The following KLF7 variants were observed in gnomAD, a reference collection of about 807,000 sequenced individuals.
KLF7 encodes KLF transcription factor 7, also known as Krueppel-like factor 7.
In KLF7, 2 loss-of-function variants were observed where a neutral mutation model predicts 27.3. That is an observed-to-expected ratio of 0.07 (90% CI 0.03 to 0.23). The LOEUF is 0.23. Ranked by LOEUF, KLF7 falls within the 10% of genes least tolerant of loss-of-function variation. KLF7 has a pLI of 1.00. For synonymous variants in KLF7, 165 were observed against 162.4 expected (o/e 1.02, Z -0.12); for missense variants, 221 against 394.1 (o/e 0.56, Z 3.72).
chr2:207,142,289 A>G (rs2077964916), intron 1 of KLF7, among the ~76,000 whole-genome samples: 1 of 152,178 alleles, frequency 6.6e-6, no homozygotes, highest in South Asian at 2.1e-4. Flanking sequence ...CTGGGGAGAA[A>G]AAGCTCTGCT....
At chr2:207,166,813 C>A, upstream of KLF7, 1 of 1,010,506 alleles carries the variant, frequency 9.9e-7, no homozygotes, top group Non-Finnish European at 1.2e-6. Flanking sequence ...CACGGGCTGC[C>A]AGGGTGCAGA....
At chr2:207,165,431 A>G (rs766827965) in intron 1 of KLF7, 36 bp downstream of exon 1, 4 of 1,613,580 alleles carry the variant, frequency 2.5e-6, no homozygotes, top group Non-Finnish European at 3.4e-6. Context: ...CTCCGCCGCC[A>G]CCACACGATT....
intron 1 of KLF7, among the ~76,000 whole-genome samples, chr2:207,143,967 TAA>T (rs1232648647): frequency 6.6e-6 from 1 of 151,982 alleles, no homozygotes; most frequent in Admixed American, 6.6e-5. Flanking sequence ...TGCAATATCA[TAA>T]GAGAGGGCTT....
intron 1 of KLF7, among the ~76,000 whole-genome samples, chr2:207,157,861 C>A (rs2078433100): frequency 6.6e-6 from 1 of 152,144 alleles, no homozygotes; most frequent in South Asian, 2.1e-4. Context: ...AAACCTAGAT[C>A]ATGAGACGAA....
chr2:207,114,065 G>A lies in KLF7; in HGVS notation c.733+9709C>T, dbSNP rs1166425866. Among the ~76,000 whole-genome samples the A allele has an allele frequency of 3.9e-5, 6 of 152,164 alleles. No individual in the cohort carries two copies. In the South Asian group the frequency reaches 1.2e-3, roughly 32 times the overall value. ...ACCTTTTCTAAACGCTAATATTTAC[G>A]TGCAAGTGAAACAAAAAAATTTAAT... is the stretch of plus-strand genomic sequence containing the variant. On this transcript the variant is annotated intron_variant, in intron 2 of 3. Coordinates refer to ENST00000309446, the MANE Select transcript of KLF7 (RefSeq NM_003709.4).
At position 207,165,925 on chromosome 2, in the gene KLF7, G is replaced by A; in HGVS notation, c.-357C>T. On this transcript the variant is annotated 5_prime_UTR_variant, in exon 1 of 4. Coordinates refer to ENST00000309446, the MANE Select transcript of KLF7 (RefSeq NM_003709.4). ...GATGCAAACTCACTGACACGAAGCT[G>A]CCATCTATTTCTGCAGCGCTGTTCG... 1 of 1,095,200 alleles carries A rather than the reference G, an allele frequency of 9.1e-7. No individual in the cohort carries two copies. The highest frequency in any genetic ancestry group is 1.1e-6 in the Non-Finnish European group (1 of 896,552). The allele number at this position is 1,095,200 out of a possible 1,614,324, so 67.8% of individuals were successfully genotyped here.
chr2:207,136,444 T>C (rs974086281), intron 1 of KLF7, among the ~76,000 whole-genome samples: 2 of 144,018 alleles, frequency 1.4e-5, no homozygotes, highest in African/African-American at 5.0e-5. Context: ...TCACTGCACA[T>C]CTGTTTCCTT....
At chr2:207,102,126 T>TCACACACACACACACACA (rs59384224) in intron 2 of KLF7, among the ~76,000 whole-genome samples, 1 of 141,172 alleles carries the variant, frequency 7.1e-6, no homozygotes, top group Non-Finnish European at 1.6e-5. Flanking sequence ...ACATTCACAT[T>TCACACACACACACACACA]CACACACACA....
chr2:207,096,652 T>G (rs1399164730), intron 2 of KLF7, among the ~76,000 whole-genome samples: 1 of 152,094 alleles, frequency 6.6e-6, no homozygotes, highest in African/African-American at 2.4e-5. Flanking sequence ...TCTTCTCTGA[T>G]CCCCACCCCA....
upstream of KLF7, chr2:207,167,137 C>T: frequency 3.5e-6 from 5 of 1,440,172 alleles, no homozygotes; most frequent in South Asian, 5.5e-5. Context: ...TGATGAGGCT[C>T]ACCATGGGGT....
At chr2:207,104,729 T>C (rs1165997527) in intron 2 of KLF7, among the ~76,000 whole-genome samples, 1 of 152,238 alleles carries the variant, frequency 6.6e-6, no homozygotes, top group Non-Finnish European at 1.5e-5. Flanking sequence ...CCTTCAGAAT[T>C]CACATGCTTA....
At chr2:207,128,117 G>A (rs2077531200) in intron 1 of KLF7, among the ~76,000 whole-genome samples, 1 of 152,148 alleles carries the variant, frequency 6.6e-6, no homozygotes, top group Admixed American at 6.5e-5. Context: ...GTTGTTGGAA[G>A]GGCTGGAACA....
At chr2:207,153,377 G>A (rs1251501806) in intron 1 of KLF7, among the ~76,000 whole-genome samples, 2 of 152,084 alleles carry the variant, frequency 1.3e-5, no homozygotes, top group Non-Finnish European at 2.9e-5. Context: ...ACAATGAAAG[G>A]TTCAGAGTCA....
chr2:207,166,695 G>A, upstream of KLF7: 3 of 644,308 alleles, frequency 4.7e-6, no homozygotes, highest in Non-Finnish European at 5.8e-6. Context: ...TGGCCACCCC[G>A]CCTCCGCCTG....
chr2:207,107,173 G>A (rs191724932), intron 2 of KLF7, among the ~76,000 whole-genome samples: 23 of 152,292 alleles, frequency 1.5e-4, no homozygotes, highest in Middle Eastern at 6.8e-3. Context: ...GTGAAAGCAT[G>A]ACAAATCTCA....
intron 2 of KLF7, among the ~76,000 whole-genome samples, chr2:207,123,078 T>A (rs2077382812): frequency 7.0e-6 from 1 of 141,974 alleles, no homozygotes; most frequent in African/African-American, 2.6e-5. Flanking sequence ...TGGTGTCTCT[T>A]CCTGGGCTAC....
In KLF7 at chr2:207,078,100, G is replaced by A. The variant is rs1469500117; in HGVS notation, c.*3113C>T. ...AGTAACCATCTCTGCCACTGCAGAG[G>A]TGATGGACGTTTTATTACAAATCCA... On this transcript the variant is annotated 3_prime_UTR_variant, in exon 4 of 4. Coordinates refer to ENST00000309446, the MANE Select transcript of KLF7 (RefSeq NM_003709.4). 1 of 152,232 alleles carries A rather than the reference G, an allele frequency of 6.6e-6. No homozygotes were observed. Among genetic ancestry groups the A allele is most frequent in the Non-Finnish European group, 1.5e-5 (1 of 68,042 alleles). 9.4% of individuals were successfully genotyped at this position (152,232 alleles called of 1,614,324 possible). A position where few individuals can be genotyped will look rare whatever the true frequency, so the allele number is the denominator to read the frequency against.
chr2:207,147,839 G>A (rs2078139438), intron 1 of KLF7, among the ~76,000 whole-genome samples: 1 of 152,158 alleles, frequency 6.6e-6, no homozygotes, highest in Non-Finnish European at 1.5e-5. Context: ...GGCTTCGATG[G>A]GTTCTGCTGG....
upstream of KLF7, among the ~76,000 whole-genome samples, chr2:207,168,558 A>T (rs755726373): frequency 1.3e-5 from 2 of 152,164 alleles, no homozygotes; most frequent in Admixed American, 6.5e-5. Flanking sequence ...GCTTTAAGTC[A>T]GTGTGTGTTT....
Sources: allele counts gnomAD v4.1 joint callset (sites outside exome capture counted in the v4.1 genomes callset), GRCh38; gene constraint gnomAD v4.1.1; transcripts MANE v1.5; gene names NCBI Gene and HGNC (gene_info 2026-07-23, HGNC 2026-07-21).